ZNF460: variants seen among roughly 807,000 people sequenced by gnomAD.
The protein encoded by ZNF460 is zinc finger protein 272.
In ZNF460, 1 loss-of-function variant was observed where a neutral mutation model predicts 8.4. The observed-to-expected ratio is 0.12, with a 90% confidence interval of 0.04 to 0.56. The LOEUF (loss-of-function observed/expected upper bound fraction) is 0.56. ZNF460 is among the 20% of genes least tolerant of loss of function. ZNF460 has a pLI of 0.91. For synonymous variants in ZNF460, 262 were observed against 259.9 expected, an observed-to-expected ratio of 1.01 and a Z score of -0.08; for missense variants, 477 against 714.8, an observed-to-expected ratio of 0.67 and a Z score of 3.79.
intron 2 of ZNF460, among the ~76,000 whole-genome samples, chr19:57,286,619 T>C (rs2087881235): frequency 1.3e-5 from 2 of 152,172 alleles, no homozygotes; most frequent in South Asian, 4.2e-4. Flanking sequence ...TCCATCTTTT[T>C]TTACTTTTTG....
chr19:57,284,034 A>C (rs2087861227), intron 1 of ZNF460, among the ~76,000 whole-genome samples: 1 of 151,924 alleles, frequency 6.6e-6, no homozygotes, highest in Non-Finnish European at 1.5e-5. Context: ...AGACTCAGAT[A>C]CTGTTCCTGT....
chr19:57,287,976 G>A (rs910250846), intron 2 of ZNF460, among the ~76,000 whole-genome samples: 16 of 152,142 alleles, frequency 1.1e-4, no homozygotes, highest in Admixed American at 5.9e-4. Context: ...ACGACAGAGC[G>A]AGACCCCATC....
Position 57,287,763 on chromosome 19 carries a change from C to T in ZNF460, c.158-2936C>T, listed in dbSNP as rs549996513. Among the ~76,000 whole-genome samples, 9 of 152,294 alleles carry T rather than the reference C, an allele frequency of 5.9e-5. No homozygotes were observed. In the South Asian group the frequency reaches 1.7e-3, roughly 28 times the overall value. ...ATCATTCCCCTTTGGGAGGTCTAGGCGGGCGGATCACTTGAGGTCAGGAGT... is the reference window on the plus strand; with the variant it reads ...ATCATTCCCCTTTGGGAGGTCTAGGTGGGCGGATCACTTGAGGTCAGGAGT... On this transcript the variant is annotated intron_variant, in intron 2 of 2. Coordinates refer to ENST00000360338, the MANE Select transcript of ZNF460 (RefSeq NM_006635.4).
Position 57,291,030 on chromosome 19 carries a change from G to A in ZNF460, c.489G>A (p.Leu163=), listed in dbSNP as rs756397866. ...FDSYGPVTDS[L]IHEGENSYKF... ...CATATGGACCAGTTACAGATTCCTT[G>A]ATTCATGAAGGGGAAAATTCCTATA... Residue 163 remains leucine, a synonymous_variant, in exon 3 of 3, where the codon TTG becomes TTA. Transcript: ENST00000360338. This position sits in a 1 kb window ranked among gnomAD's most constrained non-coding sequence, Gnocchi z 8.4. The A allele has an allele frequency of 1.9e-5, 30 of 1,614,062 alleles. No homozygotes were observed. The South Asian group carries it at 3.2e-4, about 17-fold the overall frequency.
chr19:57,290,371 A>G (rs761070409), intron 2 of ZNF460, among the ~76,000 whole-genome samples: 9 of 151,858 alleles, frequency 5.9e-5, no homozygotes, highest in Non-Finnish European at 1.3e-4. Context: ...TCCACCTCCC[A>G]GGTTCAAGCG....
Position 57,286,542 on chromosome 19 carries a change from G to A in ZNF460, c.157+1865G>A, listed in dbSNP as rs142965298. Among the ~76,000 whole-genome samples, 550 of 152,280 alleles carry A rather than the reference G, an allele frequency of 3.6e-3. 5 individuals are homozygous for A. The highest frequency in any genetic ancestry group is 6.8e-3 in the Middle Eastern group (2 of 294). ...AGATGCCTCTAATCCCAGCTACTCC[G>A]GAGGCTGAGATGGGAGGATTGCTTC... On this transcript the variant is annotated intron_variant, in intron 2 of 2. Coordinates refer to ENST00000360338, the MANE Select transcript of ZNF460 (RefSeq NM_006635.4).
At chr19:57,283,497 C>G (rs1221036632) in intron 1 of ZNF460, among the ~76,000 whole-genome samples, 1 of 104,642 alleles carries the variant, frequency 9.6e-6, no homozygotes, top group African/African-American at 4.1e-5. Flanking sequence ...GTTCTTTTGA[C>G]TATTCTTTTT....
chr19:57,286,130 C>T (rs572576330), intron 2 of ZNF460, among the ~76,000 whole-genome samples: 2 of 152,330 alleles, frequency 1.3e-5, no homozygotes, highest in East Asian at 3.9e-4. Flanking sequence ...TGCTTTACTG[C>T]ACCTTGCAGT....
chr19:57,291,273 G>C lies in ZNF460; in HGVS notation c.732G>C (p.Arg244=). ...NRRSHLTRHQ[R]THNGDKPFVC... is the part of the protein sequence containing the mutation. The stretch of plus-strand genomic sequence containing the variant: ...GGTCACACCTCACACGGCACCAGCG[G>C]ACTCACAATGGAGATAAGCCCTTTG... Residue 244 remains arginine (R), a synonymous_variant, in exon 3 of 3, where the codon CGG becomes CGC. Coordinates refer to ENST00000360338, the MANE Select transcript of ZNF460 (RefSeq NM_006635.4). The surrounding 1 kb of genome is among the most constrained non-coding windows in gnomAD (Gnocchi z 8.4). 4 of 1,614,038 alleles carry C rather than the reference G, an allele frequency of 2.5e-6. No homozygotes were observed. The highest frequency in any genetic ancestry group is 3.4e-6 in the Non-Finnish European group (4 of 1,180,016).
rs752515932 is a variant in ZNF460, at chr19:57,284,635, G to A, written c.115G>A (p.Val39Met). 1.5e-5 allele frequency: 24 copies of A among 1,613,206 alleles called. No homozygotes were observed. The highest frequency in any genetic ancestry group is 4.0e-5 in the African/African-American group (3 of 74,794). ...GGACGTGACCCAGAGGGCCTTGTACGTGGAGGTGATGCTGGAGACCTGTGG... is the reference window on the plus strand; with the variant it reads ...GGACGTGACCCAGAGGGCCTTGTACATGGAGGTGATGCTGGAGACCTGTGG... The part of the protein sequence containing the change: ...QLDVTQRALY[V>M]EVMLETCGLL... Residue 39 changes from valine to methionine, a missense_variant, in exon 2 of 3, where the codon GTG becomes ATG. Physicochemically the swap from Val to Met is conservative, Grantham distance 21. This residue lies in a region of ZNF460 where 10 missense variants were observed against 39.8 expected (regional missense o/e 0.25). Coordinates refer to ENST00000360338, the MANE Select transcript of ZNF460 (RefSeq NM_006635.4).
intron 2 of ZNF460, among the ~76,000 whole-genome samples, chr19:57,287,664 T>C (rs920244446): frequency 5.9e-5 from 9 of 152,196 alleles, no homozygotes; most frequent in African/African-American, 1.9e-4. Flanking sequence ...TTCTGCAGAA[T>C]GTACCATTTC....
At position 57,292,091 on chromosome 19, in the gene ZNF460, C is replaced by G; in HGVS notation, c.1550C>G (p.Thr517Arg). The G allele has an allele frequency of 6.2e-7, 1 of 1,614,162 alleles. No individual in the cohort carries two copies. Among genetic ancestry groups the G allele is most frequent in the Non-Finnish European group, 8.5e-7 (1 of 1,180,024 alleles). Residue 517 changes from threonine (T) to arginine (R), a missense_variant, in exon 3 of 3, where the codon ACA becomes AGA. Thr to Arg is a moderately conservative substitution (Grantham distance 71, BLOSUM62 -1). Transcript: ENST00000360338. ...IQSGNVSCES[T>R]DLIQHSIIHT... ...AGTGGGAACGTTTCTTGTGAGAGCACAGATCTCATTCAACACTCCATCATC... is the reference window on the plus strand; with the variant it reads ...AGTGGGAACGTTTCTTGTGAGAGCAGAGATCTCATTCAACACTCCATCATC...
At chr19:57,284,728 C>A in intron 2 of ZNF460, 51 bp downstream of exon 2, 1 of 1,515,142 alleles carries the variant, frequency 6.6e-7, no homozygotes, top group Non-Finnish European at 8.8e-7. Flanking sequence ...AAAGCAGCTT[C>A]ATTCTAGCCT....
chr19:57,289,361 A>G (rs998538107), intron 2 of ZNF460, among the ~76,000 whole-genome samples: 1 of 151,874 alleles, frequency 6.6e-6, no homozygotes, highest in African/African-American at 2.4e-5. Context: ...ATCAACCTTA[A>G]CTTCTTATGG....
chr19:57,289,387 C>G (rs1453477564), intron 2 of ZNF460, among the ~76,000 whole-genome samples: 2 of 152,176 alleles, frequency 1.3e-5, no homozygotes, highest in Non-Finnish European at 2.9e-5. Context: ...CCTCCTCTCA[C>G]TGCAGTCCTC....
Position 57,292,102 on chromosome 19 carries a change from C to T in ZNF460, c.1561C>T (p.Gln521Ter). The T allele has an allele frequency of 6.2e-7, 1 of 1,614,204 alleles. No individual in the cohort carries two copies. The highest frequency in any genetic ancestry group is 8.5e-7 in the Non-Finnish European group (1 of 1,180,036). ...TTCTTGTGAGAGCACAGATCTCATT[C>T]AACACTCCATCATCCACACTGAGAG... is the stretch of plus-strand genomic sequence containing the variant. ...NVSCESTDLI[Q>*]HSIIHTESSP... The change falls in exon 3 of 3, where the codon CAA (glutamine) becomes TAA (stop). Residue 521 changes from glutamine (Q) to a stop codon, truncating the protein, a stop_gained. Coordinates refer to ENST00000360338, the MANE Select transcript of ZNF460 (RefSeq NM_006635.4). LOFTEE classifies it low-confidence loss of function (END_TRUNC).
chr19:57,280,327 G>GA (rs2087826749), upstream of ZNF460: 1 of 160,428 alleles, frequency 6.2e-6, no homozygotes, highest in Non-Finnish European at 1.4e-5. Flanking sequence ...AGATGTAAGG[G>GA]AAAAACTGCA....
At chr19:57,289,864 G>T (rs915446504) in intron 2 of ZNF460, among the ~76,000 whole-genome samples, 2 of 152,036 alleles carry the variant, frequency 1.3e-5, no homozygotes, top group Non-Finnish European at 2.9e-5. Flanking sequence ...AATTTAGCCA[G>T]GCGGGGTGGC....
At chr19:57,281,419 C>G (rs745766487) in intron 1 of ZNF460, among the ~76,000 whole-genome samples, 1 of 151,868 alleles carries the variant, frequency 6.6e-6, no homozygotes, top group Non-Finnish European at 1.5e-5. Flanking sequence ...ATTAAAGAAG[C>G]TTGTGGATTT....
Sources: gnomAD v4.1 joint callset for allele counts (sites outside exome capture counted in the v4.1 genomes callset) on GRCh38, gnomAD v4.1.1 for gene constraint, gnomAD v4.1.1 regional missense constraint, Gnocchi (gnomAD v3.1) non-coding constraint, MANE v1.5 for transcripts, NCBI Gene and HGNC (gene_info 2026-07-23, HGNC 2026-07-21) for gene names.